Variants in PLCH1 observed in about 807,000 individuals in gnomAD.
PLCH1 encodes the protein phospholipase C eta 1.
Under a neutral mutation model 126.7 loss-of-function variants are expected in PLCH1, and 60 were observed. The observed-to-expected ratio is 0.47, with a 90% confidence interval of 0.38 to 0.59. The LOEUF (loss-of-function observed/expected upper bound fraction) is 0.59. PLCH1 is among the 20% of genes least tolerant of loss of function. PLCH1 has a pLI of 0.00. For synonymous variants in PLCH1, 719 were observed against 734.9 expected (o/e 0.98, Z 0.35); for missense variants, 1,723 against 2,040.0 (o/e 0.84, Z 2.99).
At chr3:155,548,775 A>G (rs1420794946) in intron 10 of PLCH1, among the ~76,000 whole-genome samples, 1 of 152,230 alleles carries the variant, frequency 6.6e-6, no homozygotes, top group Non-Finnish European at 1.5e-5. Context: ...CTTTATGCAT[A>G]TAAATGCCTA....
intron 1 of PLCH1, among the ~76,000 whole-genome samples, chr3:155,733,860 C>A (rs1408075455): frequency 6.9e-6 from 1 of 145,842 alleles, no homozygotes; most frequent in Non-Finnish European, 1.5e-5. Flanking sequence ...AAACAAATAA[C>A]CTGATCTGAA....
intron 1 of PLCH1, among the ~76,000 whole-genome samples, chr3:155,727,749 G>A (rs1748452391): frequency 6.6e-6 from 1 of 152,048 alleles, no homozygotes; most frequent in Non-Finnish European, 1.5e-5. Context: ...CATAGGTATT[G>A]TAAATTCCAG....
At position 155,480,822 on chromosome 3, in the gene PLCH1, G is replaced by T. The variant is rs1713891801; in HGVS notation, c.*146C>A. ...AATCTATATACAAACGCATTAACAGGGAGAACACATGAAGTCAAAGGGAGA... is the reference window on the plus strand; with the variant it reads ...AATCTATATACAAACGCATTAACAGTGAGAACACATGAAGTCAAAGGGAGA... On this transcript the variant is annotated 3_prime_UTR_variant, in exon 23 of 23. Transcript: ENST00000460012. 6 of 671,372 alleles carry T rather than the reference G, an allele frequency of 8.9e-6. No homozygotes were observed. Among genetic ancestry groups the T allele is most frequent in the Admixed American group, 5.4e-5 (2 of 37,234 alleles). 41.6% of individuals were successfully genotyped at this position (671,372 alleles called of 1,614,324 possible).
At chr3:155,506,114 G>C (rs1181452282) in intron 12 of PLCH1, among the ~76,000 whole-genome samples, 1 of 152,026 alleles carries the variant, frequency 6.6e-6, no homozygotes. Flanking sequence ...ATACCCTAAG[G>C]ATAATGCTAA....
At chr3:155,711,878 A>G (rs1431274465) in intron 1 of PLCH1, among the ~76,000 whole-genome samples, 1 of 152,212 alleles carries the variant, frequency 6.6e-6, no homozygotes, top group East Asian at 1.9e-4. Flanking sequence ...TTCAAGACCT[A>G]AAGTTCCTGG....
intron 2 of PLCH1, among the ~76,000 whole-genome samples, chr3:155,666,928 G>A (rs1388614776): frequency 6.8e-6 from 1 of 147,452 alleles, no homozygotes; most frequent in East Asian, 2.0e-4. Context: ...GTGTGTGTGT[G>A]TGCATGTGTG....
intron 9 of PLCH1, among the ~76,000 whole-genome samples, chr3:155,551,810 T>C (rs933674230): frequency 6.6e-6 from 1 of 152,156 alleles, no homozygotes; most frequent in African/African-American, 2.4e-5. Flanking sequence ...TTTTAAAATG[T>C]ACTAAACAAG....
chr3:155,714,166 C>T (rs1168106784), intron 1 of PLCH1, among the ~76,000 whole-genome samples: 2 of 152,112 alleles, frequency 1.3e-5, no homozygotes, highest in Non-Finnish European at 2.9e-5. Context: ...CCCAGGTATC[C>T]CTAAAACTTG....
chr3:155,574,538 T>A (rs1238330505), intron 6 of PLCH1, among the ~76,000 whole-genome samples: 1 of 152,214 alleles, frequency 6.6e-6, no homozygotes, highest in Non-Finnish European at 1.5e-5. Flanking sequence ...TCTTTGTATC[T>A]GTGGTTTTAC....
At chr3:155,454,710 T>C (rs1014543101) in intron 21 of PLCH1, among the ~76,000 whole-genome samples, 1 of 152,192 alleles carries the variant, frequency 6.6e-6, no homozygotes, top group African/African-American at 2.4e-5. Flanking sequence ...CATGTCTCAG[T>C]CTTTTTGGTT....
intron 12 of PLCH1, among the ~76,000 whole-genome samples, chr3:155,505,739 T>C (rs774232894): frequency 2.0e-5 from 3 of 152,178 alleles, no homozygotes; most frequent in Non-Finnish European, 4.4e-5. Flanking sequence ...CTTTTGGAGA[T>C]CTATTAATGC....
At position 155,471,697 on chromosome 3, in the gene PLCH1, T is replaced by C. The variant is rs528355065; in HGVS notation, c.2938+13659A>G. On this transcript the variant is annotated intron_variant, in intron 21 of 21. Coordinates refer to the PLCH1 transcript ENST00000494598. ...TGGAAGTAAAGCTCTCCTCAGCAAA[T>C]GTAAAAGAACAGAAATTATAACAAA... Among the ~76,000 whole-genome samples, 442 of 149,498 alleles carry C rather than the reference T, an allele frequency of 3.0e-3. 1 individual carries two copies. Among genetic ancestry groups the C allele is most frequent in the African/African-American group, 0.01 (425 of 40,588 alleles).
At chr3:155,454,409 G>A (rs1231009716) in intron 21 of PLCH1, among the ~76,000 whole-genome samples, 1 of 152,096 alleles carries the variant, frequency 6.6e-6, no homozygotes. Flanking sequence ...TTAGATCCCA[G>A]GAGGTCTAGG....
chr3:155,716,375 C>T (rs1026940283), intron 1 of PLCH1, among the ~76,000 whole-genome samples: 1 of 152,314 alleles, frequency 6.6e-6, no homozygotes, highest in Non-Finnish European at 1.5e-5. Flanking sequence ...TCATTCAAAT[C>T]TTGTGTGTTA....
In PLCH1 at chr3:155,452,972, C is replaced by T. The variant is rs144411801; in HGVS notation, c.2938+32384G>A. ...CTACTATTAAAATGAGGATATCGAT[C>T]AGGAAATAAGTTGGATCCTGTAAGT... On this transcript the variant is annotated intron_variant, in intron 21 of 21. Transcript: ENST00000494598. 8.1e-3 allele frequency among the ~76,000 whole-genome samples: 1,232 copies of T among 152,218 alleles called. 13 individuals are homozygous for T. The highest frequency in any genetic ancestry group is 0.047 in the South Asian group (225 of 4,810).
intron 2 of PLCH1, among the ~76,000 whole-genome samples, chr3:155,639,165 T>C (rs1739089493): frequency 6.6e-6 from 1 of 152,112 alleles, no homozygotes; most frequent in Non-Finnish European, 1.5e-5. Context: ...AAGCTTCCCA[T>C]AAATAAACCA....
intron 11 of PLCH1, among the ~76,000 whole-genome samples, chr3:155,523,013 C>G (rs553937817): frequency 6.6e-6 from 1 of 151,606 alleles, no homozygotes; most frequent in African/African-American, 2.4e-5. Flanking sequence ...CTCGCTCTGT[C>G]GCCCAGGCTG....
intron 2 of PLCH1, among the ~76,000 whole-genome samples, chr3:155,674,725 A>G (rs1317278319): frequency 6.6e-6 from 1 of 152,204 alleles, no homozygotes; most frequent in Non-Finnish European, 1.5e-5. Context: ...AAGACACCTT[A>G]CATTCATCAA....
In PLCH1 at chr3:155,523,986, G is replaced by A. The variant is rs1721562055; in HGVS notation, c.1381C>T (p.His461Tyr). 6.3e-7 allele frequency: 1 copy of A among 1,596,868 alleles called. No individual in the cohort carries two copies. The highest frequency in any genetic ancestry group is 1.1e-5 in the South Asian group (1 of 89,790). The change falls in exon 11 of 23, where the codon CAC becomes TAC. Residue 461 changes from histidine to tyrosine, a missense_variant. Physicochemically the swap from His to Tyr is moderately conservative, Grantham distance 83. Coordinates refer to ENST00000460012, the MANE Select transcript of PLCH1 (RefSeq NM_014996.4). ...CCTTCCTCTGCATCATCCCCAAGGT[G>A]ATAAGGCAACTTCTTACCCTGAAAT... ...ILVKGKKLPY[H>Y]LGDDAEEGEV...
Sources: allele counts gnomAD v4.1 joint callset (sites outside exome capture counted in the v4.1 genomes callset), GRCh38; gene constraint gnomAD v4.1.1; transcripts MANE v1.5; gene names NCBI Gene and HGNC (gene_info 2026-07-23, HGNC 2026-07-21).